Variants in CRHR1 observed in about 807,000 individuals in gnomAD.
CRHR1 encodes the protein corticotropin-releasing hormone receptor 1.
A neutral mutation model predicts 56.0 loss-of-function variants in CRHR1; 28 were observed. The ratio of observed to expected loss-of-function variants is 0.50; its 90% CI spans 0.37 to 0.69. The LOEUF (loss-of-function observed/expected upper bound fraction) is 0.69. Ranked by LOEUF, CRHR1 falls within the 30% of genes least tolerant of loss-of-function variation. The pLI is 0.00. For missense variants in CRHR1, 376 were observed against 548.0 expected, an observed-to-expected ratio of 0.69 and a Z score of 3.13; for synonymous variants, 195 against 216.5, an observed-to-expected ratio of 0.90 and a Z score of 0.87.
Position 45,807,002 on chromosome 17 carries a change from G to A in CRHR1, c.34-8G>A, listed in dbSNP as rs2061732292. 6.2e-7 allele frequency: 1 copy of A among 1,613,316 alleles called. No individual in the cohort carries two copies. Among genetic ancestry groups the A allele is most frequent in the Non-Finnish European group, 8.5e-7 (1 of 1,179,688 alleles). ...GCCTAATGTGTCCTTCGCCTCCTGT[G>A]CCTGCAGGCCCTTCTCCTTCTGGGG... On this transcript the variant is annotated splice_region_variant and splice_polypyrimidine_tract_variant and intron_variant, in intron 1 of 12. Coordinates refer to ENST00000314537, the MANE Select transcript of CRHR1 (RefSeq NM_004382.5).
intron 2 of CRHR1, among the ~76,000 whole-genome samples, chr17:45,809,034 G>A (rs191159368): frequency 4.6e-5 from 7 of 152,300 alleles, no homozygotes; most frequent in African/African-American, 1.7e-4. Flanking sequence ...AGCAGGGGTG[G>A]TGCAAATCCA....
At chr17:45,788,764 G>A (rs113140893) in intron 1 of CRHR1, among the ~76,000 whole-genome samples, 1 of 152,278 alleles carries the variant, frequency 6.6e-6, no homozygotes, top group South Asian at 2.1e-4. Flanking sequence ...TACCCTTCAC[G>A]GCACTGAGCC....
chr17:45,825,224 C>A (rs1274872888), intron 4 of CRHR1, among the ~76,000 whole-genome samples: 1 of 152,202 alleles, frequency 6.6e-6, no homozygotes, highest in African/African-American at 2.4e-5. Context: ...AAGGGCACCT[C>A]AAGGCCAGGC....
intron 3 of CRHR1, 139 bp downstream of exon 3, chr17:45,816,721 A>G (rs778277735): frequency 5.1e-6 from 7 of 1,368,584 alleles, no homozygotes; most frequent in Non-Finnish European, 6.9e-6. Context: ...TCCAAAGGTC[A>G]GCGCTGTATT....
chr17:45,787,221 G>A (rs2061352286), intron 1 of CRHR1, among the ~76,000 whole-genome samples: 1 of 152,246 alleles, frequency 6.6e-6, no homozygotes, highest in African/African-American at 2.4e-5. Flanking sequence ...GGGGAGAGAC[G>A]ATGTGTGTAC....
chr17:45,789,505 G>C (rs945906400), intron 1 of CRHR1, among the ~76,000 whole-genome samples: 2 of 152,000 alleles, frequency 1.3e-5, no homozygotes, highest in African/African-American at 4.8e-5. Flanking sequence ...CCAAGTAGCT[G>C]GGACTATAGG....
intron 1 of CRHR1, among the ~76,000 whole-genome samples, chr17:45,801,610 A>G (rs1350984312): frequency 6.6e-6 from 1 of 152,230 alleles, no homozygotes; most frequent in Admixed American, 6.5e-5. Context: ...GAAGTGAGGC[A>G]TTAGCCAGTG....
intron 9 of CRHR1, 121 bp downstream of exon 9, chr17:45,833,331 C>A: frequency 7.0e-7 from 1 of 1,432,196 alleles, no homozygotes; most frequent in South Asian, 1.2e-5. Flanking sequence ...GGGCATGGGT[C>A]AGAGATGTGC....
chr17:45,833,664 C>T (rs377696028), intron 10 of CRHR1, 50 bp from the exon 11 acceptor site: 29 of 1,605,034 alleles, frequency 1.8e-5, no homozygotes, highest in South Asian at 8.8e-5. Flanking sequence ...GCGGGCAGCC[C>T]GTCCTGGGGT....
At chr17:45,828,596 CAGA>C (rs1168771257) in intron 4 of CRHR1, among the ~76,000 whole-genome samples, 1 of 152,228 alleles carries the variant, frequency 6.6e-6, no homozygotes, top group Non-Finnish European at 1.5e-5. Flanking sequence ...TCACTCTGCA[CAGA>C]TCCCCTTGGG....
intron 2 of CRHR1, among the ~76,000 whole-genome samples, chr17:45,813,840 G>A (rs2061873047): frequency 6.6e-6 from 1 of 152,264 alleles, no homozygotes. Context: ...ATACCACAGA[G>A]GAGAGGCAAA....
At chr17:45,790,582 C>T (rs1376101995) in intron 1 of CRHR1, among the ~76,000 whole-genome samples, 3 of 152,210 alleles carry the variant, frequency 2.0e-5, no homozygotes, top group African/African-American at 7.2e-5. Flanking sequence ...CCATCTCACC[C>T]GCCTGGCACT....
intron 1 of CRHR1, among the ~76,000 whole-genome samples, chr17:45,798,624 G>A (rs934557204): frequency 1.3e-5 from 2 of 152,082 alleles, no homozygotes; most frequent in Admixed American, 6.5e-5. Flanking sequence ...AGGGGCGTGT[G>A]TGACTCTGGA....
intron 1 of CRHR1, among the ~76,000 whole-genome samples, chr17:45,802,061 A>G (rs1638304648): frequency 6.6e-6 from 1 of 151,216 alleles, no homozygotes; most frequent in African/African-American, 2.4e-5. Context: ...ATGGTGGCTC[A>G]CTCCTGTAAT....
intron 8 of CRHR1, among the ~76,000 whole-genome samples, chr17:45,832,896 C>G (rs62054763): frequency 0.14 from 21,838 of 152,322 alleles, 2,144 homozygotes; most frequent in Middle Eastern, 0.22. Flanking sequence ...CTGTCTACCT[C>G]CTGCCCCGGT....
chr17:45,811,564 C>T (rs2061825371), intron 2 of CRHR1, among the ~76,000 whole-genome samples: 2 of 152,204 alleles, frequency 1.3e-5, no homozygotes, highest in African/African-American at 4.8e-5. Context: ...ACATCCCCAA[C>T]CAGGAAAGAC....
intron 1 of CRHR1, among the ~76,000 whole-genome samples, chr17:45,796,804 A>G (rs544733658): frequency 6.6e-6 from 1 of 152,228 alleles, no homozygotes; most frequent in African/African-American, 2.4e-5. Flanking sequence ...AGGGAGGAAA[A>G]TGGAAGCCAG....
intron 1 of CRHR1, 22 bp from the exon 2 acceptor site, chr17:45,806,988 C>T (rs1405217929): frequency 6.2e-7 from 1 of 1,610,002 alleles, no homozygotes; most frequent in Non-Finnish European, 8.5e-7. Context: ...CCTAATGTGT[C>T]CTTCGCCTCC....
chr17:45,822,545 A>G (rs1345519099), intron 4 of CRHR1, among the ~76,000 whole-genome samples: 1 of 152,232 alleles, frequency 6.6e-6, no homozygotes, highest in African/African-American at 2.4e-5. Context: ...CCTAAAGATC[A>G]GAGCTGGAAG....
Sources: gnomAD v4.1 joint callset for allele counts (sites outside exome capture counted in the v4.1 genomes callset) on GRCh38, gnomAD v4.1.1 for gene constraint, MANE v1.5 for transcripts, NCBI Gene and HGNC (gene_info 2026-07-23, HGNC 2026-07-21) for gene names.